Variants in SACS observed in about 807,000 individuals in gnomAD.
SACS encodes sacsin.
Under a neutral mutation model 348.0 loss-of-function variants are expected in SACS, and 197 were observed. The ratio of observed to expected loss-of-function variants is 0.57; its 90% CI spans 0.50 to 0.64. The LOEUF is 0.64. Among genes scored for constraint, SACS ranks in the 30% least tolerant of loss-of-function variants. The probability of loss-of-function intolerance (pLI) is 0.00; values close to 1 mark genes in which losing one functional copy is unlikely to be tolerated. For synonymous variants in SACS, 1,985 were observed against 1,910.6 expected (o/e 1.04, Z -1.02); for missense variants, 4,999 against 5,360.8 (o/e 0.93, Z 2.11).
Position 23,333,414 on chromosome 13 carries a change from G to A in SACS, c.10462C>T (p.Leu3488Phe). The A allele has an allele frequency of 6.2e-7, 1 of 1,609,844 alleles. No homozygotes were observed. The highest frequency in any genetic ancestry group is 8.5e-7 in the Non-Finnish European group (1 of 1,178,400). The change falls in exon 10 of 10, where the codon CTC (leucine) becomes TTC (phenylalanine). Residue 3488 changes from leucine (L) to phenylalanine (F), a missense_variant. By Grantham distance (22) the Leu-to-Phe change is conservative (BLOSUM62 0). Around this residue, in one of 6 missense-constraint regions of SACS, gnomAD observed 734 missense variants for 694.0 expected, o/e 1.06. Coordinates refer to ENST00000382292, the MANE Select transcript of SACS (RefSeq NM_014363.6). ...TGCTCTAATTTTGCATCATAAGAGA[G>A]ATTTTCAATTTTTGGTAAGAGGTGT... The part of the protein sequence containing the change: ...LKHLLPKIEN[L>F]SYDAKLEHLI...
At position 23,341,413 on chromosome 13, in the gene SACS, C is replaced by T. The variant is rs1206084972; in HGVS notation, c.2463G>A (p.Arg821=). The part of the protein sequence containing the change: ...GQTCVELIRL[R]IPSLVILDDE... The stretch of plus-strand genomic sequence containing the variant: ...CGTCTAAAATGACTAACGATGGAAT[C>T]CTGAGTCTAATGAGTTCCACACATG... Residue 821 remains arginine, a synonymous_variant, in exon 10 of 10, where the codon AGG becomes AGA. Coordinates refer to ENST00000382292, the MANE Select transcript of SACS (RefSeq NM_014363.6). 6.2e-7 allele frequency: 1 copy of T among 1,612,960 alleles called. No homozygotes were observed. The highest frequency in any genetic ancestry group is 1.3e-5 in the African/African-American group (1 of 74,870).
intron 2 of SACS, among the ~76,000 whole-genome samples, chr13:23,398,398 G>A (rs1239620753): frequency 1.3e-5 from 2 of 151,366 alleles, no homozygotes; most frequent in Non-Finnish European, 2.9e-5. Flanking sequence ...GCGAGGCGTG[G>A]TGGTGCATGC....
intron 1 of SACS, among the ~76,000 whole-genome samples, chr13:23,425,395 G>T (rs1190296233): frequency 6.6e-6 from 1 of 152,136 alleles, no homozygotes; most frequent in Non-Finnish European, 1.5e-5. Context: ...TGCCAAACTG[G>T]GACCTGATGT....
Position 23,330,048 on chromosome 13 carries a change from G to T in SACS, c.*88C>A. ...TCTGCAATGTGCTTAACAATTCCTA[G>T]CTAATTGGCAATGAAGCTTAATGAA... On this transcript the variant is annotated 3_prime_UTR_variant, in exon 10 of 10. Coordinates refer to ENST00000382292, the MANE Select transcript of SACS (RefSeq NM_014363.6). 8.5e-7 allele frequency: 1 copy of T among 1,182,068 alleles called. No homozygotes were observed. The highest frequency in any genetic ancestry group is 1.2e-6 in the Non-Finnish European group (1 of 812,732). 73.2% of individuals were successfully genotyped at this position (1,182,068 alleles called of 1,614,324 possible).
At chr13:23,345,255 A>G (rs1869522249) in intron 9 of SACS, among the ~76,000 whole-genome samples, 1 of 152,242 alleles carries the variant, frequency 6.6e-6, no homozygotes, top group Non-Finnish European at 1.5e-5. Flanking sequence ...TAAATGGTGT[A>G]CTGTAGATCA....
At position 23,355,302 on chromosome 13, in the gene SACS, G is replaced by A. The variant is rs199657817; in HGVS notation, c.1310C>T (p.Thr437Met). 2.7e-5 allele frequency: 43 copies of A among 1,613,988 alleles called. No homozygotes were observed. Among genetic ancestry groups the A allele is most frequent in the South Asian group, 5.5e-5 (5 of 91,086 alleles). Reference sequence around the variant, plus strand: ...AAATGCTTTTCCTGAGAAATCAGACGTTGCTCCTTTTGCTTCATCATCTCT... The same window carrying A: ...AAATGCTTTTCCTGAGAAATCAGACATTGCTCCTTTTGCTTCATCATCTCT... ...SSRDDEAKGA[T>M]SDFSGKAFCF... is the part of the protein sequence containing the mutation. Residue 437 changes from threonine (T) to methionine (M), a missense_variant, in exon 8 of 10, where the codon ACG becomes ATG. By Grantham distance (81) the Thr-to-Met change is moderately conservative. Coordinates refer to ENST00000382292, the MANE Select transcript of SACS (RefSeq NM_014363.6).
chr13:23,368,282 A>T, intron 5 of SACS, 120 bp downstream of exon 5: 1 of 685,124 alleles, frequency 1.5e-6, no homozygotes, highest in South Asian at 1.9e-5. Flanking sequence ...GAGGTATAAT[A>T]CAGCTATTTG....
chr13:23,339,156 T>A lies in SACS; in HGVS notation c.4720A>T (p.Ser1574Cys). 6.2e-7 allele frequency: 1 copy of A among 1,612,182 alleles called. No individual in the cohort carries two copies. Among genetic ancestry groups the A allele is most frequent in the Non-Finnish European group, 8.5e-7 (1 of 1,178,770 alleles). Residue 1574 changes from serine (S) to cysteine (C), a missense_variant, in exon 10 of 10, where the codon AGT becomes TGT. Coordinates refer to ENST00000382292, the MANE Select transcript of SACS (RefSeq NM_014363.6). ...YHITDIPIIM[S>C]REFMIMFDPN... ...TCGAACATTATCATGAATTCCCGAC[T>A]CATAATGATGGGAATGTCAGTGATA... is the stretch of plus-strand genomic sequence containing the variant.
chr13:23,387,463 GA>G (rs60355580), intron 2 of SACS, among the ~76,000 whole-genome samples: 23,791 of 90,854 alleles, frequency 0.26, 2,002 homozygotes, highest in South Asian at 0.35. Context: ...CTCCGTCTCA[GA>G]AAAAAAAAAA....
At position 23,340,095 on chromosome 13, in the gene SACS, C is replaced by T. The variant is rs1465630863; in HGVS notation, c.3781G>A (p.Asp1261Asn). 2 of 1,614,012 alleles carry T rather than the reference C, an allele frequency of 1.2e-6. No homozygotes were observed. The highest frequency in any genetic ancestry group is 4.5e-5 in the East Asian group (2 of 44,880). ...ILLEIYGFMHDHLNEGKDSFR... is the reference protein window; with the variant it reads ...ILLEIYGFMHNHLNEGKDSFR... The stretch of plus-strand genomic sequence containing the variant: ...GAATCTTTCCCTTCATTTAGATGAT[C>T]ATGCATGAATCCGTAAATCTCAAGC... Residue 1261 changes from aspartate to asparagine, a missense_variant, in exon 10 of 10, where the codon GAT (aspartate) becomes AAT (asparagine). Asp to Asn is a conservative substitution (Grantham distance 23). Coordinates refer to ENST00000382292, the MANE Select transcript of SACS (RefSeq NM_014363.6).
chr13:23,392,546 G>A (rs1043327335), intron 2 of SACS, among the ~76,000 whole-genome samples: 2 of 152,136 alleles, frequency 1.3e-5, no homozygotes, highest in South Asian at 2.1e-4. Context: ...GCCTTTTCTC[G>A]AGCACTCATT....
intron 2 of SACS, among the ~76,000 whole-genome samples, chr13:23,393,760 AT>A (rs749913468): frequency 2.0e-5 from 3 of 150,372 alleles, no homozygotes; most frequent in Admixed American, 6.6e-5. Context: ...TCTTTTTTTT[AT>A]TTTTTTTTAT....
intron 2 of SACS, among the ~76,000 whole-genome samples, chr13:23,377,635 C>T (rs1593163085): frequency 1.3e-5 from 2 of 152,206 alleles, no homozygotes; most frequent in East Asian, 3.8e-4. Flanking sequence ...CGGAGCTCTC[C>T]TGTGTGGCCT....
intron 2 of SACS, among the ~76,000 whole-genome samples, chr13:23,376,685 G>C (rs548062041): frequency 1.3e-5 from 2 of 152,312 alleles, no homozygotes; most frequent in Non-Finnish European, 2.9e-5. Flanking sequence ...AGGTAAGTAA[G>C]TATGCTCCAT....
chr13:23,412,925 G>A (rs1873552126), intron 1 of SACS, among the ~76,000 whole-genome samples: 1 of 152,124 alleles, frequency 6.6e-6, no homozygotes, highest in East Asian at 1.9e-4. Context: ...ATTTTTTAGG[G>A]TGCTGGGCAC....
intron 9 of SACS, among the ~76,000 whole-genome samples, chr13:23,351,087 C>A (rs1480266522): frequency 6.6e-6 from 1 of 152,206 alleles, no homozygotes; most frequent in African/African-American, 2.4e-5. Context: ...TCTGCTCAAT[C>A]CCTCTGCTAT....
intron 9 of SACS, among the ~76,000 whole-genome samples, chr13:23,347,451 T>C (rs929067355): frequency 2.6e-5 from 4 of 152,122 alleles, no homozygotes; most frequent in African/African-American, 9.7e-5. Flanking sequence ...TTTCTGTGTA[T>C]TTGGGTCCCT....
intron 9 of SACS, among the ~76,000 whole-genome samples, chr13:23,351,439 C>T (rs138108123): frequency 1.3e-4 from 20 of 152,092 alleles, no homozygotes; most frequent in African/African-American, 4.3e-4. Flanking sequence ...CTCGTGGTAG[C>T]GAATACTGTT....
chr13:23,363,322 G>C (rs1354019490), intron 6 of SACS, among the ~76,000 whole-genome samples: 1 of 151,800 alleles, frequency 6.6e-6, no homozygotes. Context: ...CTGCCTCCCA[G>C]GTTCAAGCGA....
Sources: allele counts gnomAD v4.1 joint callset (sites outside exome capture counted in the v4.1 genomes callset), GRCh38; gene constraint gnomAD v4.1.1; regional missense constraint gnomAD v4.1.1; transcripts MANE v1.5; gene names NCBI Gene and HGNC (gene_info 2026-07-23, HGNC 2026-07-21).